FRMD4B: variants seen among roughly 807,000 people sequenced by gnomAD.
FRMD4B encodes the protein FERM domain containing 4B.
A neutral mutation model predicts 141.5 loss-of-function variants in FRMD4B; 74 were observed. That is an observed-to-expected ratio of 0.52 (90% CI 0.43 to 0.63). The LOEUF (loss-of-function observed/expected upper bound fraction) is 0.63. Ranked by LOEUF, FRMD4B falls within the 30% of genes least tolerant of loss-of-function variation. The probability of loss-of-function intolerance (pLI) is 0.00; values close to 1 mark genes in which losing one functional copy is unlikely to be tolerated. For synonymous variants in FRMD4B, 506 were observed against 467.9 expected, an observed-to-expected ratio of 1.08 and a Z score of -1.05; for missense variants, 1,366 against 1,253.4, an observed-to-expected ratio of 1.09 and a Z score of -1.36.
intron 1 of FRMD4B, among the ~76,000 whole-genome samples, chr3:69,436,052 A>G (rs1253192100): frequency 6.6e-6 from 1 of 152,206 alleles, no homozygotes; most frequent in South Asian, 2.1e-4. Flanking sequence ...CAGGAGATTC[A>G]GTTACCACCT....
intron 1 of FRMD4B, among the ~76,000 whole-genome samples, chr3:69,384,909 G>A (rs1704212533): frequency 1.3e-5 from 2 of 152,056 alleles, no homozygotes; most frequent in South Asian, 4.1e-4. Flanking sequence ...GGGAAATCCA[G>A]GAACTGCAAC....
At chr3:69,223,316 C>A (rs1400317873) in intron 8 of FRMD4B, among the ~76,000 whole-genome samples, 1 of 152,020 alleles carries the variant, frequency 6.6e-6, no homozygotes, top group Non-Finnish European at 1.5e-5. Context: ...GAGTTCGAGA[C>A]CAGCCTGGCC....
chr3:69,284,804 T>C (rs1361501027), intron 5 of FRMD4B, among the ~76,000 whole-genome samples: 1 of 152,154 alleles, frequency 6.6e-6, no homozygotes, highest in Non-Finnish European at 1.5e-5. Flanking sequence ...ATATTTAATA[T>C]GCTTAAAAAG....
intron 21 of FRMD4B, 32 bp from the exon 22 acceptor site, chr3:69,176,688 A>G (rs1378340155): frequency 1.3e-6 from 2 of 1,504,960 alleles, no homozygotes; most frequent in Non-Finnish European, 1.8e-6. Flanking sequence ...GATAAAATTA[A>G]TGGAAATATT....
intron 13 of FRMD4B, 117 bp from the exon 14 acceptor site, chr3:69,196,513 T>C: frequency 3.8e-6 from 3 of 798,590 alleles, no homozygotes; most frequent in South Asian, 1.7e-5. Context: ...AATTTTCACA[T>C]ATTCAAGTGG....
intron 1 of FRMD4B, among the ~76,000 whole-genome samples, chr3:69,520,241 A>C (rs575823772): frequency 1.8e-5 from 1 of 55,482 alleles, no homozygotes; most frequent in Admixed American, 1.8e-4. Context: ...ATATGATGGA[A>C]TATATATATA....
chr3:69,317,513 G>A lies in FRMD4B; in HGVS notation c.163-3996C>T, dbSNP rs538322828. Among the ~76,000 whole-genome samples, 9 of 152,128 alleles carry A rather than the reference G, an allele frequency of 5.9e-5. No individual in the cohort carries two copies. The South Asian group carries it at 1.2e-3, about 21-fold the overall frequency. On this transcript the variant is annotated intron_variant, in intron 1 of 22. Coordinates refer to ENST00000398540, the MANE Select transcript of FRMD4B (RefSeq NM_015123.3). ...TGTAATCCCAGCACTTTGGGAGGCC[G>A]AGGCAGGAGGATCACTTGAGGTCAG...
At chr3:69,540,106 T>C (rs910588242) in intron 1 of FRMD4B, among the ~76,000 whole-genome samples, 1 of 151,366 alleles carries the variant, frequency 6.6e-6, no homozygotes, top group Non-Finnish European at 1.5e-5. Context: ...GGGAAGAGAA[T>C]CGCATGGGCC....
At chr3:69,457,237 C>T (rs1398063317) in intron 1 of FRMD4B, among the ~76,000 whole-genome samples, 1 of 152,052 alleles carries the variant, frequency 6.6e-6, no homozygotes, top group Non-Finnish European at 1.5e-5. Flanking sequence ...ATTGTATGAA[C>T]AGGATGGTTA....
chr3:69,401,224 C>T (rs555600092), intron 2 of FRMD4B, among the ~76,000 whole-genome samples: 1 of 152,126 alleles, frequency 6.6e-6, no homozygotes, highest in African/African-American at 2.4e-5. Context: ...GAAAGTAGAA[C>T]ATCCAAATTA....
intron 1 of FRMD4B, among the ~76,000 whole-genome samples, chr3:69,540,322 A>T (rs956987509): frequency 4.6e-5 from 7 of 151,950 alleles, no homozygotes; most frequent in African/African-American, 1.7e-4. Flanking sequence ...TAAATTTATT[A>T]AAAATATATA....
At chr3:69,448,738 G>A (rs1441446051) in intron 1 of FRMD4B, among the ~76,000 whole-genome samples, 1 of 152,076 alleles carries the variant, frequency 6.6e-6, no homozygotes, top group African/African-American at 2.4e-5. Context: ...TTACTTTATT[G>A]TAGAAACAAT....
At chr3:69,497,425 G>T (rs1706420598) in intron 1 of FRMD4B, among the ~76,000 whole-genome samples, 1 of 152,122 alleles carries the variant, frequency 6.6e-6, no homozygotes, top group African/African-American at 2.4e-5. Context: ...TACCACAAAA[G>T]AATTTCGGAC....
rs573331425 is a variant in FRMD4B at position 69,474,057 on chromosome 3, T to C, written c.-128-41296A>G. 7.2e-5 allele frequency among the ~76,000 whole-genome samples: 11 copies of C among 152,324 alleles called. No homozygotes were observed. In the East Asian group the frequency reaches 2.1e-3, roughly 29 times the overall value. ...CCGTCATCCAAGTTCTCTTCTAAACTGCAAATGCCCAAGGGATGGTAAAGC... is the reference window on the plus strand; with the variant it reads ...CCGTCATCCAAGTTCTCTTCTAAACCGCAAATGCCCAAGGGATGGTAAAGC... On this transcript the variant is annotated intron_variant, in intron 1 of 5. Coordinates refer to the FRMD4B transcript ENST00000459638.
chr3:69,401,305 C>T (rs11721029), intron 2 of FRMD4B, among the ~76,000 whole-genome samples: 102,390 of 152,118 alleles, frequency 0.67, 34,593 homozygotes, highest in East Asian at 0.7. Context: ...GTAAACTACA[C>T]GGGACAGAGG....
chr3:69,362,179 A>G (rs1416365075), intron 1 of FRMD4B, among the ~76,000 whole-genome samples: 1 of 152,204 alleles, frequency 6.6e-6, no homozygotes, highest in Non-Finnish European at 1.5e-5. Context: ...GTTCCTGTTT[A>G]TTATAAATAT....
At chr3:69,275,426 T>TTCTCTC (rs200522020) in intron 5 of FRMD4B, among the ~76,000 whole-genome samples, 5 of 140,424 alleles carry the variant, frequency 3.6e-5, no homozygotes, top group Non-Finnish European at 1.5e-5. Flanking sequence ...AATGTTTTTA[T>TTCTCTC]TCTCTCTCTC....
chr3:69,491,537 A>G (rs1288260199), intron 1 of FRMD4B, among the ~76,000 whole-genome samples: 1 of 152,238 alleles, frequency 6.6e-6, no homozygotes, highest in Non-Finnish European at 1.5e-5. Context: ...ATAAAAGCAC[A>G]TATTTTATTC....
At chr3:69,191,246 C>T (rs929503770) in intron 17 of FRMD4B, among the ~76,000 whole-genome samples, 1 of 152,072 alleles carries the variant, frequency 6.6e-6, no homozygotes, top group East Asian at 1.9e-4. Context: ...ACAGTGAAAT[C>T]CTGTCTCTAT....
Sources: allele counts gnomAD v4.1 joint callset (sites outside exome capture counted in the v4.1 genomes callset), GRCh38; gene constraint gnomAD v4.1.1; transcripts MANE v1.5; gene names NCBI Gene and HGNC (gene_info 2026-07-23, HGNC 2026-07-21).